The following FAM13A variants were observed in gnomAD, a reference collection of about 807,000 sequenced individuals.
FAM13A encodes the protein protein FAM13A.
FAM13A carries 76 observed loss-of-function variants against 129.6 expected under a neutral mutation model. The observed-to-expected ratio is 0.59, with a 90% confidence interval of 0.49 to 0.71. The LOEUF is 0.71. Ranked by LOEUF, FAM13A falls within the 30% of genes least tolerant of loss-of-function variation. The pLI is 0.00. For missense variants in FAM13A, 1,108 were observed against 1,249.3 expected, an observed-to-expected ratio of 0.89 and a Z score of 1.70; for synonymous variants, 443 against 449.9, an observed-to-expected ratio of 0.98 and a Z score of 0.20.
chr4:88,749,685 C>A (rs578031940), intron 16 of FAM13A, 86 bp downstream of exon 16: 1 of 1,428,508 alleles, frequency 7.0e-7, no homozygotes, highest in Admixed American at 1.8e-5. Context: ...CCTCCCTTAA[C>A]CTTTCGTCGT....
intron 2 of FAM13A, among the ~76,000 whole-genome samples, chr4:89,023,516 TC>T: frequency 6.6e-6 from 1 of 152,090 alleles, no homozygotes; most frequent in Non-Finnish European, 1.5e-5. Flanking sequence ...TAAATATACT[TC>T]CAGCAATTTC....
intron 8 of FAM13A, among the ~76,000 whole-genome samples, chr4:88,799,451 T>G (rs1165816368): frequency 6.6e-6 from 1 of 151,786 alleles, no homozygotes; most frequent in Non-Finnish European, 1.5e-5. Context: ...AAATTAAACG[T>G]AGAACTACCA....
At chr4:88,796,551 C>A (rs953861540) in intron 8 of FAM13A, among the ~76,000 whole-genome samples, 1 of 151,808 alleles carries the variant, frequency 6.6e-6, no homozygotes, top group South Asian at 2.1e-4. Flanking sequence ...ATGTATAAGT[C>A]CTATATTTCA....
chr4:88,863,491 T>C (rs890703903), intron 6 of FAM13A, among the ~76,000 whole-genome samples: 3 of 152,200 alleles, frequency 2.0e-5, no homozygotes, highest in Non-Finnish European at 4.4e-5. Context: ...CTAAGTTCTG[T>C]GAACTGTTCT....
At chr4:88,822,421 AAGC>A (rs1732171333) in intron 7 of FAM13A, among the ~76,000 whole-genome samples, 1 of 152,198 alleles carries the variant, frequency 6.6e-6, no homozygotes, top group South Asian at 2.1e-4. Context: ...CATTCTTACT[AAGC>A]AGTTTTAAAA....
chr4:88,788,360 G>C (rs1056825565), intron 9 of FAM13A, among the ~76,000 whole-genome samples: 14 of 152,018 alleles, frequency 9.2e-5, no homozygotes, highest in African/African-American at 3.4e-4. Context: ...AAGCAAACTG[G>C]CACAAATAAT....
chr4:88,951,233 A>C (rs1756902325), intron 4 of FAM13A, among the ~76,000 whole-genome samples: 1 of 152,204 alleles, frequency 6.6e-6, no homozygotes, highest in African/African-American at 2.4e-5. Context: ...TTTTCTGAAG[A>C]AGCAGATGAT....
At chr4:88,905,917 C>T (rs933710484) in intron 6 of FAM13A, among the ~76,000 whole-genome samples, 7 of 152,104 alleles carry the variant, frequency 4.6e-5, no homozygotes, top group African/African-American at 1.7e-4. Context: ...GCCTACTTCC[C>T]TGAAAAAACA....
chr4:88,758,989 C>T (rs561279635), intron 13 of FAM13A, 88 bp from the exon 14 acceptor site: 3 of 1,388,744 alleles, frequency 2.2e-6, no homozygotes, highest in African/African-American at 2.9e-5. Context: ...CAGGATAAAA[C>T]CTTCCAAGTC....
At chr4:88,833,775 A>G (rs1734316946) in intron 7 of FAM13A, among the ~76,000 whole-genome samples, 1 of 151,952 alleles carries the variant, frequency 6.6e-6, no homozygotes, top group African/African-American at 2.4e-5. Flanking sequence ...AATCCCAGCT[A>G]CTCGGAAGGC....
intron 6 of FAM13A, among the ~76,000 whole-genome samples, chr4:88,858,953 C>A (rs1739014347): frequency 6.6e-6 from 1 of 152,014 alleles, no homozygotes. Flanking sequence ...GCTGACAGGG[C>A]GAATAATGAA....
intron 5 of FAM13A, among the ~76,000 whole-genome samples, chr4:88,920,943 G>C (rs1290128448): frequency 1.3e-5 from 2 of 152,146 alleles, no homozygotes; most frequent in East Asian, 3.8e-4. Context: ...CTGGAAGAAA[G>C]GGTATCAGTG....
intron 5 of FAM13A, among the ~76,000 whole-genome samples, chr4:88,912,046 GA>G (rs2150259993): frequency 6.6e-6 from 1 of 152,330 alleles, no homozygotes; most frequent in South Asian, 2.1e-4. Context: ...AACTATTCTT[GA>G]ATTACTGTCT....
intron 7 of FAM13A, among the ~76,000 whole-genome samples, chr4:88,832,435 T>C (rs888563276): frequency 2.6e-5 from 4 of 152,082 alleles, no homozygotes; most frequent in African/African-American, 9.7e-5. Flanking sequence ...GAAACTATCA[T>C]CAGAGTGAAC....
chr4:88,811,156 G>A (rs376455843), intron 7 of FAM13A, among the ~76,000 whole-genome samples: 14 of 152,340 alleles, frequency 9.2e-5, no homozygotes, highest in African/African-American at 2.6e-4. Context: ...TTTGCTGAGT[G>A]TAGATGGTAA....
intron 1 of FAM13A, among the ~76,000 whole-genome samples, chr4:89,030,828 A>G (rs954329998): frequency 2.0e-5 from 3 of 152,196 alleles, no homozygotes; most frequent in African/African-American, 7.2e-5. Context: ...ATGTGACATA[A>G]GACAATTACA....
intron 21 of FAM13A, among the ~76,000 whole-genome samples, chr4:88,734,446 G>A (rs182177088): frequency 2.0e-5 from 3 of 152,216 alleles, no homozygotes; most frequent in African/African-American, 7.2e-5. Flanking sequence ...GCTAGATTTA[G>A]TGTATTTCCT....
intron 3 of FAM13A, among the ~76,000 whole-genome samples, chr4:88,998,968 A>G (rs1438648423): frequency 6.6e-6 from 1 of 152,222 alleles, no homozygotes; most frequent in Non-Finnish European, 1.5e-5. Flanking sequence ...AAAGTGACTA[A>G]TAAAAATTAA....
chr4:88,786,785 T>G (rs972850503), intron 10 of FAM13A, among the ~76,000 whole-genome samples: 5 of 151,864 alleles, frequency 3.3e-5, no homozygotes, highest in African/African-American at 4.8e-5. Flanking sequence ...CGAAAAAAAG[T>G]TTTTTTTCTT....
Sources: allele counts gnomAD v4.1 joint callset (sites outside exome capture counted in the v4.1 genomes callset), GRCh38; gene constraint gnomAD v4.1.1; transcripts MANE v1.5; gene names NCBI Gene and HGNC (gene_info 2026-07-23, HGNC 2026-07-21).